AFF3: variants seen among roughly 807,000 people sequenced by gnomAD.
AFF3 encodes the protein ALF transcription elongation factor 3.
Under a neutral mutation model 129.7 loss-of-function variants are expected in AFF3, and 32 were observed. That is an observed-to-expected ratio of 0.25 (90% CI 0.19 to 0.33). AFF3 has a LOEUF of 0.33. Among genes scored for constraint, AFF3 ranks in the 10% least tolerant of loss-of-function variants. The pLI is 1.00. For synonymous variants in AFF3, 644 were observed against 635.4 expected (o/e 1.01, Z -0.20); for missense variants, 1,373 against 1,592.0 (o/e 0.86, Z 2.34).
chr2:100,127,433 A>G lies in AFF3; in HGVS notation c.-145+1791T>C, dbSNP rs376218666. On this transcript the variant is annotated intron_variant, in intron 2 of 24. Coordinates refer to ENST00000672756, the MANE Select transcript of AFF3 (RefSeq NM_001386135.1). ...GTTGAGGACATTTGCCCAGGGTCAC[A>G]AGGCTGCTTGGTGTCGGAGTCAGAA... is the stretch of plus-strand genomic sequence containing the variant. Among the ~76,000 whole-genome samples, 12 of 152,274 alleles carry G rather than the reference A, an allele frequency of 7.9e-5. 1 individual carries two copies. The South Asian group carries it at 1.7e-3, about 21-fold the overall frequency.
At chr2:99,693,447 T>A (rs1426724448) in intron 11 of AFF3, among the ~76,000 whole-genome samples, 1 of 152,180 alleles carries the variant, frequency 6.6e-6, no homozygotes, top group Non-Finnish European at 1.5e-5. Flanking sequence ...ATTTTTAATC[T>A]AGTATCACCA....
intron 4 of AFF3, among the ~76,000 whole-genome samples, chr2:100,027,931 T>C (rs1684179684): frequency 6.6e-6 from 1 of 152,226 alleles, no homozygotes; most frequent in Non-Finnish European, 1.5e-5. Flanking sequence ...ATTACTTTAC[T>C]ATGAAAACAT....
At chr2:100,062,613 G>A (rs1343087395) in intron 4 of AFF3, among the ~76,000 whole-genome samples, 1 of 152,104 alleles carries the variant, frequency 6.6e-6, no homozygotes, top group Non-Finnish European at 1.5e-5. Flanking sequence ...GGCAGCATCT[G>A]GAAGGCAATG....
chr2:99,905,381 C>T (rs1694638375), intron 7 of AFF3, among the ~76,000 whole-genome samples: 1 of 152,164 alleles, frequency 6.6e-6, no homozygotes. Flanking sequence ...CAAGGATGGT[C>T]ACCCATGAGC....
At chr2:99,591,177 ATTTTT>A (rs1558611934) in intron 15 of AFF3, among the ~76,000 whole-genome samples, 1 of 151,772 alleles carries the variant, frequency 6.6e-6, no homozygotes, top group African/African-American at 2.4e-5. Flanking sequence ...TTGGTACTTT[ATTTTT>A]TATTTTATTT....
intron 2 of AFF3, among the ~76,000 whole-genome samples, chr2:100,126,782 T>G (rs1473702477): frequency 6.6e-6 from 1 of 152,256 alleles, no homozygotes; most frequent in East Asian, 1.9e-4. Context: ...AGGGAATTTT[T>G]GTAGCAAAAG....
At chr2:99,849,007 A>G (rs1349553984) in intron 7 of AFF3, among the ~76,000 whole-genome samples, 1 of 152,148 alleles carries the variant, frequency 6.6e-6, no homozygotes, top group African/African-American at 2.4e-5. Context: ...AAGATGTGCC[A>G]GGTAGTCTAA....
At chr2:99,764,777 C>T (rs1682876412) in intron 8 of AFF3, among the ~76,000 whole-genome samples, 1 of 152,024 alleles carries the variant, frequency 6.6e-6, no homozygotes, top group Admixed American at 6.5e-5. Context: ...CTTGTTAAAC[C>T]CAGGTGACTC....
chr2:100,014,363 G>A (rs1682809173), intron 4 of AFF3, among the ~76,000 whole-genome samples: 1 of 152,086 alleles, frequency 6.6e-6, no homozygotes, highest in Non-Finnish European at 1.5e-5. Context: ...ATCATGTTTT[G>A]CATGTTTTTA....
At chr2:99,820,909 G>A (rs1459935126) in intron 8 of AFF3, among the ~76,000 whole-genome samples, 6 of 99,700 alleles carry the variant, frequency 6.0e-5, no homozygotes, top group Admixed American at 4.4e-4. Flanking sequence ...GTCTCACTCC[G>A]TCCCCCAGAC....
chr2:99,840,952 C>T (rs1346844404), intron 7 of AFF3, among the ~76,000 whole-genome samples: 1 of 152,188 alleles, frequency 6.6e-6, no homozygotes, highest in Non-Finnish European at 1.5e-5. Context: ...AAGTCCCAAC[C>T]ATTTCCTACT....
chr2:99,563,071 G>A (rs1317638148), intron 20 of AFF3, among the ~76,000 whole-genome samples: 1 of 152,092 alleles, frequency 6.6e-6, no homozygotes, highest in Admixed American at 6.6e-5. Context: ...TACATCCTGG[G>A]CTAGGTCATC....
chr2:100,036,521 TA>T (rs1684923581), intron 4 of AFF3, among the ~76,000 whole-genome samples: 1 of 151,642 alleles, frequency 6.6e-6, no homozygotes, highest in African/African-American at 2.4e-5. Context: ...ATGAAGCCAT[TA>T]AAAAACAAGA....
At chr2:100,130,653 G>A (rs11891630) in intron 1 of AFF3, among the ~76,000 whole-genome samples, 5,750 of 152,202 alleles carry the variant, frequency 0.038, 378 homozygotes, top group African/African-American at 0.13. Flanking sequence ...AGGAAGCTTC[G>A]GAGTATGGAG....
At chr2:99,747,615 T>C (rs781055417) in intron 9 of AFF3, among the ~76,000 whole-genome samples, 1 of 152,218 alleles carries the variant, frequency 6.6e-6, no homozygotes, top group Non-Finnish European at 1.5e-5. Flanking sequence ...ATCCCATAGA[T>C]AGTAAACTTT....
chr2:99,698,601 A>T (rs908081956), intron 11 of AFF3, among the ~76,000 whole-genome samples: 8 of 152,222 alleles, frequency 5.3e-5, no homozygotes, highest in Admixed American at 2.0e-4. Context: ...CCATTTAAGC[A>T]CTTGATTTTT....
chr2:99,586,297 C>T (rs1678109491), intron 16 of AFF3, among the ~76,000 whole-genome samples: 1 of 152,194 alleles, frequency 6.6e-6, no homozygotes, highest in African/African-American at 2.4e-5. Flanking sequence ...TGCTCAGACC[C>T]ACAGGAGCCC....
intron 7 of AFF3, among the ~76,000 whole-genome samples, chr2:99,953,171 G>T (rs1056929628): frequency 2.0e-5 from 3 of 152,280 alleles, no homozygotes; most frequent in Admixed American, 2.0e-4. Context: ...AATTCCAAAG[G>T]TATCCTCACA....
intron 7 of AFF3, among the ~76,000 whole-genome samples, chr2:99,941,312 C>G (rs1675021505): frequency 6.6e-6 from 1 of 152,190 alleles, no homozygotes; most frequent in Non-Finnish European, 1.5e-5. Flanking sequence ...GGGCAGCTCT[C>G]ACTGCTACTA....
Sources: allele counts gnomAD v4.1 joint callset (sites outside exome capture counted in the v4.1 genomes callset), GRCh38; gene constraint gnomAD v4.1.1; transcripts MANE v1.5; gene names NCBI Gene and HGNC (gene_info 2026-07-23, HGNC 2026-07-21).